COPG2: variants seen among roughly 807,000 people sequenced by gnomAD.
COPG2 encodes coatomer subunit gamma-2.
COPG2 carries 37 observed loss-of-function variants against 46.3 expected under a neutral mutation model. The ratio of observed to expected loss-of-function variants is 0.80; its 90% CI spans 0.61 to 1.05. The LOEUF is 1.05. COPG2 is among the 50% of genes least tolerant of loss of function. The pLI is 0.00. For missense variants in COPG2, 427 were observed against 387.8 expected, an observed-to-expected ratio of 1.10 and a Z score of -0.85; for synonymous variants, 159 against 129.7, an observed-to-expected ratio of 1.23 and a Z score of -1.53.
intron 5 of COPG2, among the ~76,000 whole-genome samples, chr7:130,631,642 G>A (rs1042530714): frequency 6.6e-6 from 1 of 152,260 alleles, no homozygotes; most frequent in Admixed American, 6.5e-5. Flanking sequence ...TTCATAAAGA[G>A]GATACAAACT....
intron 9 of COPG2, among the ~76,000 whole-genome samples, chr7:130,571,895 T>C (rs1445334862): frequency 6.6e-6 from 1 of 151,856 alleles, no homozygotes; most frequent in Non-Finnish European, 1.5e-5. Flanking sequence ...ATATACACCA[T>C]GGAATACTAC....
rs576653523 is a variant in COPG2, at chr7:130,612,741, G to A, written c.493-503C>T. On this transcript the variant is annotated intron_variant, in intron 7 of 23. Transcript: ENST00000425248. Reference sequence around the variant, plus strand: ...TATAAATTGTGTTCTGCTGAAAAACGGAAAGAAAAATGTATTACTAAAAAA... The same window carrying A: ...TATAAATTGTGTTCTGCTGAAAAACAGAAAGAAAAATGTATTACTAAAAAA... Among the ~76,000 whole-genome samples, 33 of 152,124 alleles carry A rather than the reference G, an allele frequency of 2.2e-4. No individual in the cohort carries two copies. The South Asian group carries it at 6.8e-3, about 32-fold the overall frequency.
intron 20 of COPG2, among the ~76,000 whole-genome samples, chr7:130,535,688 G>A (rs1003587142): frequency 6.7e-6 from 1 of 148,416 alleles, no homozygotes; most frequent in African/African-American, 2.5e-5. Context: ...GGGATGAATG[G>A]GTGGGGCAGG....
intron 9 of COPG2, chr7:130,610,002 T>C: frequency 2.0e-6 from 1 of 496,354 alleles, no homozygotes; most frequent in Non-Finnish European, 4.0e-6. Flanking sequence ...TAAAAGTCAC[T>C]GCCTAGTAAT....
At chr7:130,527,186 G>T (rs1028074563) in intron 20 of COPG2, among the ~76,000 whole-genome samples, 1 of 151,746 alleles carries the variant, frequency 6.6e-6, no homozygotes, top group Non-Finnish European at 1.5e-5. Flanking sequence ...ATATGGGTAG[G>T]TGGGGCCACA....
chr7:130,576,314 A>T (rs1474679805), intron 9 of COPG2, among the ~76,000 whole-genome samples: 1 of 152,248 alleles, frequency 6.6e-6, no homozygotes, highest in Non-Finnish European at 1.5e-5. Context: ...GCCATATGAT[A>T]GGCCATAAAA....
chr7:130,535,193 C>T, intron 20 of COPG2, among the ~76,000 whole-genome samples: 1 of 152,156 alleles, frequency 6.6e-6, no homozygotes, highest in East Asian at 1.9e-4. Flanking sequence ...GAAATATTGG[C>T]CACAGACAGG....
chr7:130,618,810 A>G (rs1418867870), intron 5 of COPG2, among the ~76,000 whole-genome samples: 1 of 152,110 alleles, frequency 6.6e-6, no homozygotes, highest in African/African-American at 2.4e-5. Flanking sequence ...ATAATTCATG[A>G]CAGTTCCTCC....
intron 20 of COPG2, among the ~76,000 whole-genome samples, chr7:130,540,748 G>A (rs1407730822): frequency 6.6e-6 from 1 of 152,072 alleles, no homozygotes; most frequent in Non-Finnish European, 1.5e-5. Flanking sequence ...TGAAATGAGG[G>A]AGTAATGTCA....
At chr7:130,650,464 G>A (rs1795714209) in intron 5 of COPG2, among the ~76,000 whole-genome samples, 2 of 152,112 alleles carry the variant, frequency 1.3e-5, no homozygotes, top group African/African-American at 2.4e-5. Flanking sequence ...AAAACTCTCA[G>A]TCAACAACTA....
chr7:130,542,451 A>G (rs1288208312), intron 20 of COPG2, among the ~76,000 whole-genome samples: 13 of 152,116 alleles, frequency 8.5e-5, no homozygotes, highest in African/African-American at 3.1e-4. Context: ...GGGTGAACTG[A>G]GACAGCAGAT....
chr7:130,617,283 A>G (rs1162516898), intron 5 of COPG2, among the ~76,000 whole-genome samples: 1 of 152,226 alleles, frequency 6.6e-6, no homozygotes, highest in Non-Finnish European at 1.5e-5. Context: ...AAAAAGCAAA[A>G]AGTCCTTTGC....
At position 130,551,035 on chromosome 7, in the gene COPG2, C is replaced by CT. The variant is rs1210821229; in HGVS notation, c.1648+205dup. ...TTCCTAAAAAATGTAAGGGCCCAATCTATATTCTTATAGATTGCTGCATAG... is the reference window on the plus strand; with the variant it reads ...TTCCTAAAAAATGTAAGGGCCCAATCTTATATTCTTATAGATTGCTGCATAG... On this transcript the variant is annotated intron_variant, in intron 16 of 23. Coordinates refer to ENST00000425248, the MANE Select transcript of COPG2 (RefSeq NM_012133.6). Among the ~76,000 whole-genome samples the CT allele has an allele frequency of 3.9e-5, 6 of 152,232 alleles. No individual in the cohort carries two copies. The East Asian group carries it at 1.2e-3, about 29-fold the overall frequency.
At chr7:130,539,150 G>A (rs1220827942) in intron 20 of COPG2, among the ~76,000 whole-genome samples, 1 of 152,076 alleles carries the variant, frequency 6.6e-6, no homozygotes, top group African/African-American at 2.4e-5. Context: ...TGGCCAAGAG[G>A]GAAAGAAGAA....
Position 130,549,304 on chromosome 7 carries a change from A to G in COPG2, c.1837+10T>C. 2.5e-6 allele frequency: 1 copy of G among 398,582 alleles called. No individual in the cohort carries two copies. The highest frequency in any genetic ancestry group is 4.4e-6 in the Non-Finnish European group (1 of 226,036). The allele number at this position is 398,582 out of a possible 1,614,324, so 24.7% of individuals were successfully genotyped here. A position where few individuals can be genotyped will look rare whatever the true frequency, so the allele number is the denominator to read the frequency against. On this transcript the variant is annotated intron_variant, in intron 18 of 23. Transcript: ENST00000425248. ...AAAGATTATTACGTCTAACCATCAA[A>G]TCATCATACCTTGGAAAATGTCTTG... is the stretch of plus-strand genomic sequence containing the variant.
intron 20 of COPG2, among the ~76,000 whole-genome samples, chr7:130,530,446 A>G (rs1211005454): frequency 1.3e-4 from 20 of 152,226 alleles, no homozygotes; most frequent in Admixed American, 1.2e-3. Flanking sequence ...GGAAGGCGCT[A>G]GCCTGAATCA....
At chr7:130,563,771 AAAG>A (rs1289726006) in intron 10 of COPG2, among the ~76,000 whole-genome samples, 1 of 109,606 alleles carries the variant, frequency 9.1e-6, no homozygotes, top group Non-Finnish European at 1.7e-5. Flanking sequence ...AAAAAAAAAA[AAAG>A]AAAAAAAAAA....
intron 20 of COPG2, among the ~76,000 whole-genome samples, chr7:130,516,630 C>A (rs1244796640): frequency 3.3e-5 from 5 of 151,958 alleles, no homozygotes; most frequent in Non-Finnish European, 7.4e-5. Context: ...ACATGCAGTG[C>A]AGAAAAACAA....
intron 9 of COPG2, among the ~76,000 whole-genome samples, chr7:130,601,654 G>A (rs1227952826): frequency 2.6e-5 from 4 of 152,086 alleles, no homozygotes; most frequent in African/African-American, 7.2e-5. Context: ...ATCACACACC[G>A]GGGCCTGTCG....
Sources: gnomAD v4.1 joint callset for allele counts (sites outside exome capture counted in the v4.1 genomes callset) on GRCh38, gnomAD v4.1.1 for gene constraint, MANE v1.5 for transcripts, NCBI Gene and HGNC (gene_info 2026-07-23, HGNC 2026-07-21) for gene names.